The following AKAP19 variants were observed in gnomAD, a reference collection of about 807,000 sequenced individuals.
AKAP19 encodes small A-kinase anchoring protein.
the AKAP19 span, among the ~76,000 whole-genome samples, chr2:189,882,244 T>G: frequency 6.6e-5 from 10 of 152,226 alleles, no homozygotes; most frequent in African/African-American, 2.4e-4. Flanking sequence ...ATAAGTTTTA[T>G]TTTTAAACCC....
the AKAP19 span, among the ~76,000 whole-genome samples, chr2:190,011,610 C>T: frequency 1.3e-5 from 2 of 152,118 alleles, no homozygotes; most frequent in Non-Finnish European, 2.9e-5. Flanking sequence ...TTTTAAAATA[C>T]AGTGTGAGAT....
At chr2:189,940,923 C>A in the AKAP19 span, among the ~76,000 whole-genome samples, 1 of 152,094 alleles carries the variant, frequency 6.6e-6, no homozygotes, top group Non-Finnish European at 1.5e-5. Flanking sequence ...CAGAGAATAC[C>A]AAATTTGTTC....
the AKAP19 span, among the ~76,000 whole-genome samples, chr2:190,145,543 T>A: frequency 6.6e-6 from 1 of 152,162 alleles, no homozygotes; most frequent in African/African-American, 2.4e-5. Flanking sequence ...TCCCATAAGA[T>A]TATAATACCA....
chr2:189,908,647 C>T, the AKAP19 span, among the ~76,000 whole-genome samples: 6 of 152,192 alleles, frequency 3.9e-5, no homozygotes, highest in South Asian at 8.3e-4. Context: ...TTAATGTCCA[C>T]GTATTTGGGG....
the AKAP19 span, among the ~76,000 whole-genome samples, chr2:190,007,500 CAT>C: frequency 6.6e-6 from 1 of 152,016 alleles, no homozygotes; most frequent in East Asian, 1.9e-4. Context: ...AACTTTGGCC[CAT>C]GTTAGGATGT....
chr2:190,099,675 CCACAG>C, the AKAP19 span, among the ~76,000 whole-genome samples: 1 of 152,152 alleles, frequency 6.6e-6, no homozygotes, highest in Non-Finnish European at 1.5e-5. Flanking sequence ...TTTGTAAAAA[CCACAG>C]TCATTGTGAA....
At chr2:189,892,761 G>A in the AKAP19 span, among the ~76,000 whole-genome samples, 2 of 152,204 alleles carry the variant, frequency 1.3e-5, no homozygotes, top group African/African-American at 2.4e-5. Flanking sequence ...CTTGAGTGCT[G>A]TGCTGGGAGA....
chr2:189,899,791 T>C, the AKAP19 span, among the ~76,000 whole-genome samples: 5 of 22,050 alleles, frequency 2.3e-4, no homozygotes, highest in African/African-American at 4.3e-4. Context: ...ATAAAAGTAT[T>C]ATCTATATTT....
the AKAP19 span, among the ~76,000 whole-genome samples, chr2:190,085,205 A>T: frequency 7.2e-5 from 11 of 152,206 alleles, no homozygotes; most frequent in Non-Finnish European, 1.3e-4. Context: ...TAGACATGAA[A>T]TATATTTTAC....
At chr2:190,037,597 C>T in the AKAP19 span, among the ~76,000 whole-genome samples, 1 of 152,168 alleles carries the variant, frequency 6.6e-6, no homozygotes, top group Admixed American at 6.5e-5. Flanking sequence ...GAGGTAAGAA[C>T]AGTTTAAAAG....
chr2:189,978,990 A>G, the AKAP19 span, among the ~76,000 whole-genome samples: 4 of 152,280 alleles, frequency 2.6e-5, no homozygotes, highest in South Asian at 8.3e-4. Context: ...AATATCATTA[A>G]AATGACCATA....
chr2:189,934,330 C>T, the AKAP19 span, among the ~76,000 whole-genome samples: 4 of 152,142 alleles, frequency 2.6e-5, no homozygotes, highest in East Asian at 7.7e-4. Context: ...TGCCTAGCCT[C>T]ATATTCTGGA....
chr2:189,963,697 T>G, the AKAP19 span, among the ~76,000 whole-genome samples: 3 of 152,176 alleles, frequency 2.0e-5, no homozygotes, highest in Non-Finnish European at 2.9e-5. Context: ...TAGGAGGTTG[T>G]CAGTTTACTT....
chr2:190,014,252 A>G, the AKAP19 span, among the ~76,000 whole-genome samples: 1 of 152,186 alleles, frequency 6.6e-6, no homozygotes. Context: ...ACAAAGGAAA[A>G]GGGTTTAATT....
the AKAP19 span, among the ~76,000 whole-genome samples, chr2:190,082,985 T>C: frequency 4.6e-5 from 7 of 152,234 alleles, no homozygotes; most frequent in African/African-American, 1.7e-4. Context: ...GACAACATGA[T>C]GTTTTGATAT....
chr2:190,178,334 C>A, the AKAP19 span, among the ~76,000 whole-genome samples: 1 of 152,234 alleles, frequency 6.6e-6, no homozygotes, highest in Non-Finnish European at 1.5e-5. This position sits in a 1 kb window ranked among gnomAD's most constrained non-coding sequence, Gnocchi z 6.3. Context: ...GGAGAGAAGT[C>A]AAGGCTATTT....
chr2:190,009,186 C>T, the AKAP19 span, among the ~76,000 whole-genome samples: 1 of 152,008 alleles, frequency 6.6e-6, no homozygotes, highest in Non-Finnish European at 1.5e-5. Flanking sequence ...ACATGTAAGG[C>T]CTTGTAGAGG....
At chr2:189,903,455 G>GT in the AKAP19 span, among the ~76,000 whole-genome samples, 1 of 151,778 alleles carries the variant, frequency 6.6e-6, no homozygotes, top group African/African-American at 2.4e-5. Flanking sequence ...TTTCATTGTA[G>GT]TTTAAGTATA....
At chr2:190,173,578 TTCTTTGTAAAAA>T in the AKAP19 span, among the ~76,000 whole-genome samples, 1 of 152,212 alleles carries the variant, frequency 6.6e-6, no homozygotes, top group African/African-American at 2.4e-5. Context: ...AGAAATTTTA[TTCTTTGTAAAAA>T]TCTCCCTCAT....
Sources: gnomAD v4.1 joint callset for allele counts (sites outside exome capture counted in the v4.1 genomes callset) on GRCh38, gnomAD v4.1.1 for gene constraint, Gnocchi (gnomAD v3.1) non-coding constraint, MANE v1.5 for transcripts, NCBI Gene and HGNC (gene_info 2026-07-23, HGNC 2026-07-21) for gene names.